Variants in GPR176 observed in about 807,000 individuals in gnomAD.
The protein encoded by GPR176 is G protein-coupled receptor 176.
A neutral mutation model predicts 35.4 loss-of-function variants in GPR176; 26 were observed. The ratio of observed to expected loss-of-function variants is 0.74; its 90% CI spans 0.54 to 1.02. GPR176 has a LOEUF of 1.02. Among genes scored for constraint, GPR176 ranks in the 50% least tolerant of loss-of-function variants. GPR176 has a pLI of 0.00. For missense variants in GPR176, 597 were observed against 665.3 expected (o/e 0.90, Z 1.13); for synonymous variants, 278 against 271.3 (o/e 1.02, Z -0.24).
At chr15:39,918,084 C>T (rs1187264953) in intron 1 of GPR176, among the ~76,000 whole-genome samples, 1 of 148,396 alleles carries the variant, frequency 6.7e-6, no homozygotes, top group African/African-American at 2.5e-5. Context: ...GCTCATCAGG[C>T]ACCATAGATC....
intron 1 of GPR176, among the ~76,000 whole-genome samples, chr15:39,833,265 A>C (rs920432688): frequency 1.3e-5 from 2 of 152,240 alleles, no homozygotes; most frequent in African/African-American, 4.8e-5. Flanking sequence ...GTTCATCAAG[A>C]GATGAATGGA....
intron 1 of GPR176, among the ~76,000 whole-genome samples, chr15:39,832,552 G>A (rs1004746595): frequency 1.5e-4 from 23 of 152,056 alleles, no homozygotes; most frequent in African/African-American, 5.3e-4. Flanking sequence ...AGCTTCTAGA[G>A]CAAGGGTGTC....
chr15:39,800,820 C>A lies in GPR176; in HGVS notation c.*312G>T. ...CTCTGCAGAGCCCAGGGAAGTGAGG[C>A]ATCCTCAGAAAGTGCACATGGGGTA... On this transcript the variant is annotated 3_prime_UTR_variant, in exon 3 of 3. Coordinates refer to ENST00000561100, the MANE Select transcript of GPR176 (RefSeq NM_007223.3). 1 of 284,702 alleles carries A rather than the reference C, an allele frequency of 3.5e-6. No homozygotes were observed. Among genetic ancestry groups the A allele is most frequent in the Non-Finnish European group, 6.6e-6 (1 of 150,410 alleles). 17.6% of individuals were successfully genotyped at this position (284,702 alleles called of 1,614,324 possible).
chr15:39,801,557 T>C lies in GPR176; in HGVS notation c.1123A>G (p.Ile375Val), dbSNP rs1898859849. The change falls in exon 3 of 3, where the codon ATT (isoleucine) becomes GTT (valine). Residue 375 changes from isoleucine to valine, a missense_variant. Coordinates refer to ENST00000561100, the MANE Select transcript of GPR176 (RefSeq NM_007223.3). ...SGSQLLEMFH[I>V]GQQQIFKPTE... is the part of the protein sequence containing the mutation. Reference sequence around the variant, plus strand: ...GGCTTAAAGATCTGCTGCTGCCCAATGTGGAACATCTCCAGGAGCTGGCTA... The same window carrying C: ...GGCTTAAAGATCTGCTGCTGCCCAACGTGGAACATCTCCAGGAGCTGGCTA... 2.5e-6 allele frequency: 4 copies of C among 1,614,166 alleles called. No individual in the cohort carries two copies. Among genetic ancestry groups the C allele is most frequent in the Non-Finnish European group, 2.5e-6 (3 of 1,179,982 alleles).
chr15:39,911,829 A>T (rs1365731839), intron 1 of GPR176, among the ~76,000 whole-genome samples: 1 of 152,242 alleles, frequency 6.6e-6, no homozygotes, highest in Non-Finnish European at 1.5e-5. Flanking sequence ...AACTTAAAAG[A>T]TCCATCCAAC....
chr15:39,833,575 T>C lies in GPR176; in HGVS notation c.173-26317A>G, dbSNP rs369495842. On this transcript the variant is annotated intron_variant, in intron 1 of 2. Coordinates refer to ENST00000561100, the MANE Select transcript of GPR176 (RefSeq NM_007223.3). The stretch of plus-strand genomic sequence containing the variant: ...GAGTTATGAAAACATCTGAAAATGA[T>C]TTTAGTAATGGTTACACAACTTTGT... 8.5e-5 allele frequency among the ~76,000 whole-genome samples: 13 copies of C among 152,264 alleles called. No homozygotes were observed. The East Asian group carries it at 2.1e-3, about 25-fold the overall frequency.
chr15:39,910,487 G>T lies in GPR176; in HGVS notation c.172+9368C>A, dbSNP rs143334954. Among the ~76,000 whole-genome samples the T allele has an allele frequency of 1.9e-3, 285 of 152,084 alleles. 1 individual carries two copies. Among genetic ancestry groups the T allele is most frequent in the African/African-American group, 6.3e-3 (261 of 41,490 alleles). On this transcript the variant is annotated intron_variant, in intron 1 of 2. Transcript: ENST00000561100. ...GCAGGAGAATCACTTGAACCTTGGAGGGGGAGGTTGCAGTGAGCTGAGATC... is the reference window on the plus strand; with the variant it reads ...GCAGGAGAATCACTTGAACCTTGGATGGGGAGGTTGCAGTGAGCTGAGATC...
chr15:39,847,329 T>A (rs185882172), intron 1 of GPR176, among the ~76,000 whole-genome samples: 168 of 152,068 alleles, frequency 1.1e-3, no homozygotes, highest in African/African-American at 4.0e-3. Context: ...AAGAAAGAGA[T>A]TAACAGAGGG....
chr15:39,841,857 T>C lies in GPR176; in HGVS notation c.173-34599A>G, dbSNP rs148325292. Among the ~76,000 whole-genome samples, 414 of 152,234 alleles carry C rather than the reference T, an allele frequency of 2.7e-3. 2 individuals are homozygous for C. Among genetic ancestry groups the C allele is most frequent in the African/African-American group, 9.6e-3 (397 of 41,554 alleles). ...GCTTACTTATAAACTTTGGCAGACA[T>C]ATTACAATGGCTTTTTTGTCTCCAA... On this transcript the variant is annotated intron_variant, in intron 1 of 2. Coordinates refer to ENST00000561100, the MANE Select transcript of GPR176 (RefSeq NM_007223.3).
intron 1 of GPR176, among the ~76,000 whole-genome samples, chr15:39,872,074 C>G (rs548913178): frequency 6.6e-6 from 1 of 152,140 alleles, no homozygotes; most frequent in Non-Finnish European, 1.5e-5. Context: ...ATAGAGAATA[C>G]AAAGATTCCT....
intron 1 of GPR176, among the ~76,000 whole-genome samples, chr15:39,839,771 C>T (rs1901629987): frequency 1.3e-5 from 2 of 152,096 alleles, no homozygotes; most frequent in Non-Finnish European, 2.9e-5. Flanking sequence ...AGAACTCAAA[C>T]AAATTTACAA....
At chr15:39,863,092 C>G (rs2031676091) in intron 1 of GPR176, among the ~76,000 whole-genome samples, 1 of 148,826 alleles carries the variant, frequency 6.7e-6, no homozygotes, top group Non-Finnish European at 1.5e-5. Flanking sequence ...GAGACAGAGT[C>G]TCGCTCTGTT....
At chr15:39,853,366 A>G (rs2030998767) in intron 1 of GPR176, among the ~76,000 whole-genome samples, 1 of 152,196 alleles carries the variant, frequency 6.6e-6, no homozygotes, top group Non-Finnish European at 1.5e-5. Context: ...AGTCAAATTC[A>G]TAGAGACAGA....
At chr15:39,871,259 A>G (rs2032031664) in intron 1 of GPR176, among the ~76,000 whole-genome samples, 1 of 152,214 alleles carries the variant, frequency 6.6e-6, no homozygotes. Flanking sequence ...CATATCCTCA[A>G]CAAGCCAGTG....
rs545355138 is a variant in GPR176, at chr15:39,867,200, G to A, written c.172+52655C>T. Among the ~76,000 whole-genome samples the A allele has an allele frequency of 1.4e-4, 22 of 152,266 alleles. No individual in the cohort carries two copies. In the East Asian group the frequency reaches 3.5e-3, roughly 24 times the overall value. On this transcript the variant is annotated intron_variant, in intron 1 of 2. Coordinates refer to ENST00000561100, the MANE Select transcript of GPR176 (RefSeq NM_007223.3). ...AAACGAATTTACAGGTGTTCATGCCGGCTGATACCAATCAGTCCCATAATA... is the reference window on the plus strand; with the variant it reads ...AAACGAATTTACAGGTGTTCATGCCAGCTGATACCAATCAGTCCCATAATA...
chr15:39,822,633 C>G (rs1216142990), intron 1 of GPR176, among the ~76,000 whole-genome samples: 2 of 152,158 alleles, frequency 1.3e-5, no homozygotes, highest in African/African-American at 2.4e-5. Context: ...TTTAAAAAAT[C>G]ATGTAAACTT....
intron 1 of GPR176, among the ~76,000 whole-genome samples, chr15:39,870,387 A>G (rs576842457): frequency 6.6e-6 from 1 of 152,280 alleles, no homozygotes; most frequent in South Asian, 2.1e-4. Context: ...AACTCCATCC[A>G]TTTCTATTCC....
In GPR176 at chr15:39,829,163, C is replaced by T. The variant is rs950237725; in HGVS notation, c.173-21905G>A. 2.9e-5 allele frequency: 45 copies of T among 1,532,054 alleles called. No homozygotes were observed. The Middle Eastern group carries it at 1.0e-3, about 34-fold the overall frequency. The allele number at this position is 1,532,054 out of a possible 1,614,324, so 94.9% of individuals were successfully genotyped here. A position where few individuals can be genotyped will look rare whatever the true frequency, so the allele number is the denominator to read the frequency against. The stretch of plus-strand genomic sequence containing the variant: ...TCCAGAGCCTGGGATGTGATCACTA[C>T]GTCACACTGCCTTCTCATGAAGAGA... On this transcript the variant is annotated intron_variant, in intron 1 of 2. Coordinates refer to ENST00000561100, the MANE Select transcript of GPR176 (RefSeq NM_007223.3).
At chr15:39,918,901 T>C (rs1566973304) in intron 1 of GPR176, among the ~76,000 whole-genome samples, 1 of 152,232 alleles carries the variant, frequency 6.6e-6, no homozygotes, top group Non-Finnish European at 1.5e-5. Flanking sequence ...AAGTAACCTA[T>C]TCCTACTTTG....
Sources: gnomAD v4.1 joint callset for allele counts (sites outside exome capture counted in the v4.1 genomes callset) on GRCh38, gnomAD v4.1.1 for gene constraint, MANE v1.5 for transcripts, NCBI Gene and HGNC (gene_info 2026-07-23, HGNC 2026-07-21) for gene names.